Variants in GPC4 observed in about 807,000 individuals in gnomAD.
The protein encoded by GPC4 is glypican 4.
GPC4 carries 10 observed loss-of-function variants against 35.0 expected under a neutral mutation model. The ratio of observed to expected loss-of-function variants is 0.29; its 90% CI spans 0.18 to 0.48. The LOEUF is 0.48. Ranked by LOEUF, GPC4 falls within the 20% of genes least tolerant of loss-of-function variation. The pLI, the probability that GPC4 is intolerant of heterozygous loss-of-function variation, is 0.99. For synonymous variants in GPC4, 167 were observed against 170.2 expected (o/e 0.98, Z 0.15); for missense variants, 322 against 451.3 (o/e 0.71, Z 2.60).
chrX:133,411,149 T>C (rs974158798), intron 1 of GPC4, among the ~76,000 whole-genome samples: 1 of 112,628 alleles, frequency 8.9e-6, no homozygotes, highest in Non-Finnish European at 1.9e-5. Context: ...GAATCCTTTG[T>C]GCATGTACAT....
At chrX:133,366,819 T>C (rs1054701521) in intron 1 of GPC4, among the ~76,000 whole-genome samples, 3 of 111,844 alleles carry the variant, frequency 2.7e-5, no homozygotes, top group Non-Finnish European at 5.6e-5. Flanking sequence ...AGATGGAAAA[T>C]TGAAAGTACC....
chrX:133,352,637 T>C (rs1170379609), intron 1 of GPC4, among the ~76,000 whole-genome samples: 1 of 111,898 alleles, frequency 8.9e-6, no homozygotes, highest in Non-Finnish European at 1.9e-5. Flanking sequence ...ATTATTGGCA[T>C]AGCTCCGTTC....
chrX:133,380,826 A>G (rs2068657440), intron 1 of GPC4, among the ~76,000 whole-genome samples: 1 of 111,911 alleles, frequency 8.9e-6, no homozygotes, highest in Non-Finnish European at 1.9e-5. Context: ...CTAAGATCCA[A>G]TGCCAGAGAT....
intron 1 of GPC4, among the ~76,000 whole-genome samples, chrX:133,395,989 T>C (rs1359630105): frequency 8.9e-6 from 1 of 112,090 alleles, no homozygotes; most frequent in Non-Finnish European, 1.9e-5. Context: ...ATTGCTTCAG[T>C]GGACAGAATT....
At chrX:133,367,459 A>G (rs770364733) in intron 1 of GPC4, among the ~76,000 whole-genome samples, 3 of 112,629 alleles carry the variant, frequency 2.7e-5, no homozygotes, top group Admixed American at 1.9e-4. Flanking sequence ...AACTATTTTA[A>G]ATCATTTTTA....
At chrX:133,339,662 T>C (rs1025483064) in intron 1 of GPC4, among the ~76,000 whole-genome samples, 3 of 112,553 alleles carry the variant, frequency 2.7e-5, no homozygotes, top group Admixed American at 1.9e-4. Flanking sequence ...ATTCTCATAT[T>C]CTATGCTAAA....
chrX:133,354,574 T>TA (rs1442513259), intron 1 of GPC4, among the ~76,000 whole-genome samples: 15 of 106,239 alleles, frequency 1.4e-4, no homozygotes, highest in Non-Finnish European at 1.3e-4. Flanking sequence ...ATTTATTTTT[T>TA]TTTTTGAGAC....
At chrX:133,387,826 A>T (rs2068699245) in intron 1 of GPC4, among the ~76,000 whole-genome samples, 1 of 111,884 alleles carries the variant, frequency 8.9e-6, no homozygotes, top group Non-Finnish European at 1.9e-5. Context: ...CTAGTGCAGC[A>T]CCGATAGGGC....
At chrX:133,414,732 CG>C in intron 1 of GPC4, 73 bp downstream of exon 1, 1 of 1,148,229 alleles carries the variant, frequency 8.7e-7, no homozygotes, top group Admixed American at 2.5e-5. Context: ...GGCGGCGGGG[CG>C]GGGGAAGGGA....
intron 1 of GPC4, among the ~76,000 whole-genome samples, chrX:133,354,349 A>G (rs1289741841): frequency 8.9e-6 from 1 of 112,249 alleles, no homozygotes. Flanking sequence ...GAGAACAAAT[A>G]TGACAACTGA....
At chrX:133,348,609 T>C (rs941575460) in intron 1 of GPC4, among the ~76,000 whole-genome samples, 3 of 112,302 alleles carry the variant, frequency 2.7e-5, no homozygotes, top group African/African-American at 9.7e-5. Flanking sequence ...CTTGGTAGCA[T>C]CGTTTGAGAA....
At chrX:133,392,435 T>C (rs986161389) in intron 1 of GPC4, among the ~76,000 whole-genome samples, 15 of 106,111 alleles carry the variant, frequency 1.4e-4, no homozygotes, top group African/African-American at 5.2e-4. Context: ...CTGTGGCTTA[T>C]CCAATGAGAC....
chrX:133,320,392 C>T (rs1374107732), intron 3 of GPC4, among the ~76,000 whole-genome samples: 5 of 110,567 alleles, frequency 4.5e-5, no homozygotes, highest in Non-Finnish European at 7.6e-5. Context: ...TTTGGGAGGC[C>T]GAGGTGGGCG....
chrX:133,386,170 G>A (rs1169746861), intron 1 of GPC4, among the ~76,000 whole-genome samples: 1 of 107,467 alleles, frequency 9.3e-6, no homozygotes, highest in Non-Finnish European at 1.9e-5. Context: ...AGGAGGTCAA[G>A]GTTGCAGTGA....
intron 1 of GPC4, among the ~76,000 whole-genome samples, chrX:133,376,065 C>G (rs777264557): frequency 3.7e-4 from 42 of 112,167 alleles, no homozygotes; most frequent in Middle Eastern, 4.6e-3. Flanking sequence ...TTCTCCTAAT[C>G]CTCGGCAGCC....
At chrX:133,405,636 C>T (rs2068784280) in intron 1 of GPC4, among the ~76,000 whole-genome samples, 1 of 111,894 alleles carries the variant, frequency 8.9e-6, no homozygotes, top group African/African-American at 3.2e-5. Flanking sequence ...TTCCAGATGT[C>T]AAGTCTTACC....
At chrX:133,357,853 T>G (rs1235950159) in intron 1 of GPC4, among the ~76,000 whole-genome samples, 1 of 111,940 alleles carries the variant, frequency 8.9e-6, no homozygotes, top group Non-Finnish European at 1.9e-5. Context: ...TTATGAACAC[T>G]GATATCAGAA....
intron 4 of GPC4, among the ~76,000 whole-genome samples, chrX:133,308,225 C>T (rs1444372779): frequency 8.9e-6 from 1 of 111,811 alleles, no homozygotes; most frequent in Non-Finnish European, 1.9e-5. Flanking sequence ...CTGGCTGATA[C>T]GAGCCACGGA....
intron 4 of GPC4, among the ~76,000 whole-genome samples, chrX:133,307,038 C>G (rs2068293779): frequency 8.9e-6 from 1 of 112,171 alleles, no homozygotes; most frequent in African/African-American, 3.2e-5. Flanking sequence ...ATTAGAAGAA[C>G]TTGGAAATGA....
Sources: allele counts gnomAD v4.1 joint callset (sites outside exome capture counted in the v4.1 genomes callset), GRCh38; gene constraint gnomAD v4.1.1; transcripts MANE v1.5; gene names NCBI Gene and HGNC (gene_info 2026-07-23, HGNC 2026-07-21).